ACAD9: variants seen among roughly 807,000 people sequenced by gnomAD.
ACAD9 encodes complex I assembly factor ACAD9, mitochondrial.
ACAD9 carries 53 observed loss-of-function variants against 70.2 expected under a neutral mutation model. That is an observed-to-expected ratio of 0.75 (90% CI 0.61 to 0.95). ACAD9 has a LOEUF of 0.95. Among genes scored for constraint, ACAD9 ranks in the 40% least tolerant of loss-of-function variants. The pLI is 0.00. For missense variants in ACAD9, 777 were observed against 802.8 expected (o/e 0.97, Z 0.39); for synonymous variants, 313 against 312.1 (o/e 1.00, Z -0.03).
intron 6 of ACAD9, chr3:128,898,459 G>GCAGTGGCACGATCTTGGCTCACTGCAGC (rs746690458): frequency 0.026 from 11,335 of 439,728 alleles, 428 homozygotes; most frequent in South Asian, 0.079. Flanking sequence ...AGGCTGGAGT[G>GCAGTGGCACGATCTTGGCTCACTGCAGC]CAGTGGCACG....
intron 1 of ACAD9, chr3:128,880,043 C>CCCCGT (rs1935041576): frequency 6.5e-7 from 1 of 1,531,952 alleles, no homozygotes; most frequent in Non-Finnish European, 8.8e-7. Flanking sequence ...GACGGGGGAC[C>CCCCGT]CTTGGAAATG....
At chr3:128,911,213 C>A (rs1017438287) in intron 17 of ACAD9, among the ~76,000 whole-genome samples, 1 of 152,070 alleles carries the variant, frequency 6.6e-6, no homozygotes, top group Non-Finnish European at 1.5e-5. Context: ...CACGCCACCA[C>A]GCCCGGCTAA....
Position 128,912,343 on chromosome 3 carries a change from C to T in ACAD9, c.1766-164C>T, listed in dbSNP as rs557713323. 4.6e-5 allele frequency among the ~76,000 whole-genome samples: 7 copies of T among 152,224 alleles called. No individual in the cohort carries two copies. The South Asian group carries it at 1.5e-3, about 32-fold the overall frequency. On this transcript the variant is annotated intron_variant, in intron 17 of 17. Coordinates refer to ENST00000308982, the MANE Select transcript of ACAD9 (RefSeq NM_014049.5). ...GAATGAAGCTGTACCCCTTTCTCTC[C>T]CTGCAGCCCTGAATCACTTGCTGGG...
At chr3:128,907,080 G>T (rs62265264) in intron 12 of ACAD9, among the ~76,000 whole-genome samples, 4,940 of 152,204 alleles carry the variant, frequency 0.032, 144 homozygotes, top group South Asian at 0.11. Context: ...ACAGCAGGAT[G>T]AGTGGGATAT....
In ACAD9 at chr3:128,879,712, C is replaced by G; in HGVS notation, c.21C>G (p.Phe7Leu). 6.2e-7 allele frequency: 1 copy of G among 1,612,916 alleles called. No homozygotes were observed. Among genetic ancestry groups the G allele is most frequent in the South Asian group, 1.1e-5 (1 of 91,030 alleles). MSGCGL[F>L]LRTTAAARAC... ...GCAGCATGAGCGGCTGCGGGCTCTT[C>G]CTGCGCACCACGGCTGCGGCTCGTG... Residue 7 changes from phenylalanine (F) to leucine (L), a missense_variant, in exon 1 of 18, where the codon TTC (phenylalanine) becomes TTG (leucine). Physicochemically the swap from Phe to Leu is conservative, Grantham distance 22. Transcript: ENST00000308982.
At chr3:128,890,191 G>T (rs1230943840) in intron 2 of ACAD9, among the ~76,000 whole-genome samples, 1 of 151,436 alleles carries the variant, frequency 6.6e-6, no homozygotes, top group Admixed American at 6.6e-5. Context: ...AGGTTCAAGC[G>T]ATTCTGCCTC....
chr3:128,899,516 C>T (rs1353416433), intron 7 of ACAD9, 55 bp downstream of exon 7: 19 of 1,477,534 alleles, frequency 1.3e-5, no homozygotes, highest in Non-Finnish European at 1.7e-5. Flanking sequence ...GGAGACTGGC[C>T]TTTGACGGTG....
Position 128,879,756 on chromosome 3 carries a change from T to C in ACAD9, c.65T>C (p.Val22Ala). 1 of 1,613,046 alleles carries C rather than the reference T, an allele frequency of 6.2e-7. No homozygotes were observed. Among genetic ancestry groups the C allele is most frequent in the Non-Finnish European group, 8.5e-7 (1 of 1,179,982 alleles). Reference protein sequence around the residue: ...AAARACRGLVVSTANRRLLRT... With the variant: ...AAARACRGLVASTANRRLLRT... ...GCTCGTGCCTGCCGGGGTCTGGTGG[T>C]CTCTACCGCGAACCGGCGGCTACTG... Residue 22 changes from valine to alanine, a missense_variant, in exon 1 of 18, where the codon GTC (valine) becomes GCC (alanine). Transcript: ENST00000308982.
chr3:128,881,533 T>C (rs58315986), intron 1 of ACAD9, among the ~76,000 whole-genome samples: 13,089 of 152,250 alleles, frequency 0.086, 1,543 homozygotes, highest in African/African-American at 0.27. Context: ...GGTAATTCTT[T>C]CCTTTCTCTG....
chr3:128,894,929 T>C (rs1292533606), intron 3 of ACAD9, among the ~76,000 whole-genome samples: 1 of 142,310 alleles, frequency 7.0e-6, no homozygotes, highest in Non-Finnish European at 1.5e-5. Flanking sequence ...CAAGCTAGAG[T>C]GCAGTGGTGC....
At chr3:128,888,242 G>T (rs1935311273) in intron 2 of ACAD9, among the ~76,000 whole-genome samples, 2 of 152,140 alleles carry the variant, frequency 1.3e-5, no homozygotes, top group Non-Finnish European at 2.9e-5. Flanking sequence ...GCGCCCCACT[G>T]TACAGTCTTC....
Position 128,910,096 on chromosome 3 carries a change from C to CCG in ACAD9, c.1639_1640insCG (p.Leu547ProfsTer49). 6.2e-7 allele frequency: 1 copy of CCG among 1,613,684 alleles called. No individual in the cohort carries two copies. ...CAACCTGTATGGCATGACGGCCGTG[C>CCG]TGTCGCGGGCCAGCCGCTCCATCCG... On this transcript the variant is annotated frameshift_variant, in exon 16 of 18. Coordinates refer to ENST00000308982, the MANE Select transcript of ACAD9 (RefSeq NM_014049.5). LOFTEE classifies it high-confidence loss of function.
intron 8 of ACAD9, 118 bp downstream of exon 8, chr3:128,901,467 G>A: frequency 8.5e-7 from 1 of 1,172,524 alleles, no homozygotes; most frequent in Non-Finnish European, 1.3e-6. Flanking sequence ...AGGTGACTTT[G>A]CATGGTTATC....
intron 4 of ACAD9, among the ~76,000 whole-genome samples, chr3:128,895,913 C>G (rs1293890960): frequency 6.6e-6 from 1 of 152,214 alleles, no homozygotes; most frequent in Non-Finnish European, 1.5e-5. Context: ...CTCGGCTCCC[C>G]CACCCCAGAG....
intron 2 of ACAD9, among the ~76,000 whole-genome samples, chr3:128,886,648 C>T (rs1361602848): frequency 1.5e-5 from 2 of 134,742 alleles, no homozygotes; most frequent in East Asian, 2.4e-4. Context: ...GCGGAGGTTG[C>T]GGTGAGCCGA....
In ACAD9 at chr3:128,899,523, GGTGTGTGT is replaced by G. The variant is rs63473460; in HGVS notation, c.808+95_808+102del. 6.6e-4 allele frequency: 700 copies of G among 1,068,532 alleles called. 1 individual carries two copies. Among genetic ancestry groups the G allele is most frequent in the South Asian group, 3.7e-3 (229 of 62,404 alleles). 66.2% of individuals were successfully genotyped at this position (1,068,532 alleles called of 1,614,324 possible). A position where few individuals can be genotyped will look rare whatever the true frequency, so the allele number is the denominator to read the frequency against. ...TGTAAGGGGGAGACTGGCCTTTGACGGTGTGTGTGTGTGTGTGTGTGTGTGTGTGTGTG... is the reference window on the plus strand; with the variant it reads ...TGTAAGGGGGAGACTGGCCTTTGACGGTGTGTGTGTGTGTGTGTGTGTGTG... On this transcript the variant is annotated intron_variant, in intron 7 of 17. Coordinates refer to ENST00000308982, the MANE Select transcript of ACAD9 (RefSeq NM_014049.5).
chr3:128,882,406 CAGA>C (rs571431283), intron 1 of ACAD9, among the ~76,000 whole-genome samples: 95 of 152,336 alleles, frequency 6.2e-4, no homozygotes, highest in South Asian at 1.9e-3. Context: ...TCTAATTCCA[CAGA>C]AGATCTGGTT....
intron 1 of ACAD9, among the ~76,000 whole-genome samples, chr3:128,881,313 T>C (rs933637576): frequency 6.6e-6 from 1 of 152,200 alleles, no homozygotes; most frequent in African/African-American, 2.4e-5. Context: ...CCTCTGGCAC[T>C]ACCTGCCCTG....
intron 1 of ACAD9, among the ~76,000 whole-genome samples, chr3:128,883,577 C>T (rs1472785539): frequency 6.6e-6 from 1 of 152,002 alleles, no homozygotes; most frequent in African/African-American, 2.4e-5. Flanking sequence ...AGGCTGGTCT[C>T]AAACTCCTGA....
Sources: gnomAD v4.1 joint callset for allele counts (sites outside exome capture counted in the v4.1 genomes callset) on GRCh38, gnomAD v4.1.1 for gene constraint, MANE v1.5 for transcripts, NCBI Gene and HGNC (gene_info 2026-07-23, HGNC 2026-07-21) for gene names.